The following EXPH5 variants were observed in gnomAD, a reference collection of about 807,000 sequenced individuals.
EXPH5 encodes exophilin-5.
EXPH5 carries 42 observed loss-of-function variants against 41.1 expected under a neutral mutation model. That is an observed-to-expected ratio of 1.02 (90% CI 0.80 to 1.32). The LOEUF (loss-of-function observed/expected upper bound fraction) is 1.32. EXPH5 is among the 40% of genes most tolerant of loss of function. EXPH5 has a pLI of 0.00. For missense variants in EXPH5, 2,298 were observed against 2,314.5 expected (o/e 0.99, Z 0.15); for synonymous variants, 798 against 833.5 (o/e 0.96, Z 0.73).
intron 3 of EXPH5, among the ~76,000 whole-genome samples, chr11:108,529,917 C>A (rs1238638820): frequency 6.6e-6 from 1 of 151,780 alleles, no homozygotes; most frequent in African/African-American, 2.4e-5. Flanking sequence ...CTTTCCTCCA[C>A]TGACAGAACA....
At chr11:108,535,841 TG>T (rs2093876110) in intron 3 of EXPH5, among the ~76,000 whole-genome samples, 1 of 152,132 alleles carries the variant, frequency 6.6e-6, no homozygotes, top group Non-Finnish European at 1.5e-5. Flanking sequence ...CTGGAATAAC[TG>T]GGGGTCTGGA....
chr11:108,514,892 A>G lies in EXPH5; in HGVS notation c.632-17T>C, dbSNP rs202009367. 48 of 1,398,820 alleles carry G rather than the reference A, an allele frequency of 3.4e-5. No individual in the cohort carries two copies. The African/African-American group carries it at 7.0e-4, about 20-fold the overall frequency. The allele number at this position is 1,398,820 out of a possible 1,614,324, so 86.7% of individuals were successfully genotyped here. ...CATCTAAAACTGAAAAGAGAATGTG[A>G]ATCAACCTTTTTCTGTATGTTTTTA... On this transcript the variant is annotated splice_polypyrimidine_tract_variant and intron_variant, in intron 5 of 5. Transcript: ENST00000265843.
the EXPH5 span, among the ~76,000 whole-genome samples, chr11:108,602,018 T>C: frequency 6.6e-6 from 1 of 152,146 alleles, no homozygotes; most frequent in Non-Finnish European, 1.5e-5. Context: ...CAAAATACTG[T>C]GATAACAGGC....
At chr11:108,605,252 G>C in the EXPH5 span, among the ~76,000 whole-genome samples, 3 of 152,132 alleles carry the variant, frequency 2.0e-5, no homozygotes, top group Admixed American at 6.5e-5. Context: ...CAAAAGCAGT[G>C]ACCCTTCTGC....
intron 1 of EXPH5, among the ~76,000 whole-genome samples, chr11:108,558,737 G>A (rs1488659555): frequency 1.3e-5 from 2 of 152,160 alleles, no homozygotes; most frequent in Non-Finnish European, 2.9e-5. Context: ...GTACCTTCAT[G>A]CTGCTGCTGA....
intron 1 of EXPH5, among the ~76,000 whole-genome samples, chr11:108,570,308 G>A (rs150206361): frequency 0.043 from 6,491 of 152,166 alleles, 174 homozygotes; most frequent in Middle Eastern, 0.075. Context: ...AGGCTGGAGT[G>A]CAGTGGTACA....
chr11:108,593,076 G>T (rs973362026), intron 1 of EXPH5, among the ~76,000 whole-genome samples: 3 of 152,184 alleles, frequency 2.0e-5, no homozygotes, highest in African/African-American at 7.2e-5. Flanking sequence ...GCATTTCATT[G>T]CCTGAAACGG....
At position 108,507,034 on chromosome 11, in the gene EXPH5, A is replaced by G. The variant is rs945021635; in HGVS notation, c.*2503T>C. ...AATAATAATAATCAGATAAATAGAA[A>G]AAGAGGAAAGGCAGAATTTACAAAC... On this transcript the variant is annotated 3_prime_UTR_variant, in exon 6 of 6. Coordinates refer to ENST00000265843, the MANE Select transcript of EXPH5 (RefSeq NM_015065.3). 1.3e-5 allele frequency: 2 copies of G among 152,108 alleles called. No individual in the cohort carries two copies. The highest frequency in any genetic ancestry group is 4.8e-5 in the African/African-American group (2 of 41,404). 9.4% of individuals were successfully genotyped at this position (152,108 alleles called of 1,614,324 possible).
rs544908453 is a variant in EXPH5, at chr11:108,572,829, G to T, written c.119+20589C>A. 5.9e-5 allele frequency among the ~76,000 whole-genome samples: 9 copies of T among 152,230 alleles called. 1 individual carries two copies. The highest frequency in any genetic ancestry group is 2.2e-4 in the African/African-American group (9 of 41,546). ...TCGTCTCGGCCTCCTAAAGTGCTGGGATGACAGGCATGAGCCACTGCACCC... is the reference window on the plus strand; with the variant it reads ...TCGTCTCGGCCTCCTAAAGTGCTGGTATGACAGGCATGAGCCACTGCACCC... On this transcript the variant is annotated intron_variant, in intron 1 of 5. Coordinates refer to ENST00000265843, the MANE Select transcript of EXPH5 (RefSeq NM_015065.3).
chr11:108,598,349 G>C (rs2094141555), upstream of EXPH5, among the ~76,000 whole-genome samples: 1 of 152,154 alleles, frequency 6.6e-6, no homozygotes, highest in Non-Finnish European at 1.5e-5. Flanking sequence ...AGTTGTTATG[G>C]GCATGTAGTA....
chr11:108,573,491 G>A (rs1365437720), intron 1 of EXPH5, among the ~76,000 whole-genome samples: 2 of 152,212 alleles, frequency 1.3e-5, no homozygotes, highest in Non-Finnish European at 2.9e-5. Context: ...CTGTATGAAA[G>A]CTGTGTTTTC....
chr11:108,514,098 C>G lies in EXPH5; in HGVS notation c.1409G>C (p.Gly470Ala). The G allele has an allele frequency of 6.2e-7, 1 of 1,613,774 alleles. No individual in the cohort carries two copies. Among genetic ancestry groups the G allele is most frequent in the Non-Finnish European group, 8.5e-7 (1 of 1,179,862 alleles). Residue 470 changes from glycine to alanine, a missense_variant, in exon 6 of 6, where the codon GGA becomes GCA. By Grantham distance (60) the Gly-to-Ala change is moderately conservative (BLOSUM62 0). Coordinates refer to ENST00000265843, the MANE Select transcript of EXPH5 (RefSeq NM_015065.3). ...ACCTTGTCCAAATCTCCTCTGTTCT[C>G]CGCTTCGTCCAAAGGTATTGCTGAA... Reference protein sequence around the residue: ...SFFSNTFGRSGEQRRFGQGPF... With the variant: ...SFFSNTFGRSAEQRRFGQGPF...
At chr11:108,529,135 TAA>T (rs1184032053) in intron 3 of EXPH5, among the ~76,000 whole-genome samples, 2 of 143,540 alleles carry the variant, frequency 1.4e-5, no homozygotes. Context: ...TAATTTAAAG[TAA>T]AAAAAAAAAG....
intron 1 of EXPH5, among the ~76,000 whole-genome samples, chr11:108,570,347 T>C (rs1359891664): frequency 6.6e-6 from 1 of 152,126 alleles, no homozygotes; most frequent in Admixed American, 6.5e-5. Context: ...CTCCGCCTCC[T>C]GGGTTCAAGC....
chr11:108,512,345 G>T lies in EXPH5; in HGVS notation c.3162C>A (p.Ile1054=), dbSNP rs956761155. The T allele has an allele frequency of 2.5e-6, 4 of 1,612,048 alleles. No individual in the cohort carries two copies. Among genetic ancestry groups the T allele is most frequent in the Admixed American group, 3.4e-5 (2 of 59,620 alleles). Residue 1054 remains isoleucine, a synonymous_variant, in exon 6 of 6, where the codon ATC becomes ATA. Transcript: ENST00000265843. ...CCATTGCATCTTCCACATTATTTTT[G>T]ATTTGGAAGGGAGGTGGCCCATTCC... The part of the protein sequence containing the change: ...SLRNGPPPFQ[I]KNNVEDAMGN...
chr11:108,593,698 C>A lies in EXPH5; in HGVS notation c.-162G>T, dbSNP rs1215018669. On this transcript the variant is annotated 5_prime_UTR_variant, in exon 1 of 6. Coordinates refer to ENST00000265843, the MANE Select transcript of EXPH5 (RefSeq NM_015065.3). ...ACCACAAACCTAGGGAACGCCCACA[C>A]CTGAAGGGCTCATATTGACAATACC... is the stretch of plus-strand genomic sequence containing the variant. 1 of 1,546,164 alleles carries A rather than the reference C, an allele frequency of 6.5e-7. No individual in the cohort carries two copies. The highest frequency in any genetic ancestry group is 1.2e-5 in the South Asian group (1 of 85,766).
intron 1 of EXPH5, among the ~76,000 whole-genome samples, chr11:108,587,026 A>G (rs2094115311): frequency 6.6e-6 from 1 of 152,178 alleles, no homozygotes; most frequent in African/African-American, 2.4e-5. Context: ...TTTACGAAAG[A>G]CCATGCCTTA....
At chr11:108,580,880 T>A (rs1245807515) in intron 1 of EXPH5, among the ~76,000 whole-genome samples, 1 of 151,990 alleles carries the variant, frequency 6.6e-6, no homozygotes, top group Non-Finnish European at 1.5e-5. Context: ...AAAAGTAGAA[T>A]AGAAGATATT....
intron 1 of EXPH5, among the ~76,000 whole-genome samples, chr11:108,548,720 C>A (rs1011495555): frequency 6.6e-6 from 1 of 152,160 alleles, no homozygotes; most frequent in African/African-American, 2.4e-5. Flanking sequence ...ACCCTACACA[C>A]CCAAGAGCCC....
Sources: gnomAD v4.1 joint callset for allele counts (sites outside exome capture counted in the v4.1 genomes callset) on GRCh38, gnomAD v4.1.1 for gene constraint, MANE v1.5 for transcripts, NCBI Gene and HGNC (gene_info 2026-07-23, HGNC 2026-07-21) for gene names.